Variants in ERMAP observed in about 807,000 individuals in gnomAD.
ERMAP encodes erythroid membrane-associated protein.
In ERMAP, 34 loss-of-function variants were observed where a neutral mutation model predicts 49.5. That is an observed-to-expected ratio of 0.69 (90% CI 0.52 to 0.91). The LOEUF is 0.91. Ranked by LOEUF, ERMAP falls within the 40% of genes least tolerant of loss-of-function variation. The probability of loss-of-function intolerance (pLI) is 0.00; values close to 1 mark genes in which losing one functional copy is unlikely to be tolerated. For synonymous variants in ERMAP, 214 were observed against 232.2 expected (o/e 0.92, Z 0.71); for missense variants, 541 against 582.6 (o/e 0.93, Z 0.74).
chr1:42,825,163 C>A (rs1471654686), intron 1 of ERMAP, among the ~76,000 whole-genome samples: 3 of 152,034 alleles, frequency 2.0e-5, no homozygotes, highest in Non-Finnish European at 4.4e-5. Context: ...GCAAGACAGG[C>A]GGGAAGCGTT....
intron 11 of ERMAP, 91 bp downstream of exon 11, chr1:42,840,387 G>GGAA: frequency 1.3e-6 from 2 of 1,506,574 alleles, no homozygotes; most frequent in Non-Finnish European, 1.8e-6. Flanking sequence ...CCTCTGGAAT[G>GGAA]CAGGTAATTT....
At chr1:42,823,502 A>G (rs1251937365) in intron 1 of ERMAP, among the ~76,000 whole-genome samples, 4 of 152,264 alleles carry the variant, frequency 2.6e-5, no homozygotes, top group Non-Finnish European at 4.4e-5. Context: ...CTCATTGACA[A>G]CAAACACTGT....
chr1:42,838,556 A>G (rs535083233), intron 7 of ERMAP, among the ~76,000 whole-genome samples: 3 of 152,340 alleles, frequency 2.0e-5, no homozygotes, highest in African/African-American at 7.2e-5. Flanking sequence ...CACCTTAGAT[A>G]CCATAAACGG....
intron 8 of ERMAP, 82 bp downstream of exon 8, chr1:42,839,003 T>A (rs1166925054): frequency 6.2e-7 from 1 of 1,610,870 alleles, no homozygotes; most frequent in Non-Finnish European, 8.5e-7. Context: ...TTTCACTTCC[T>A]GGGGCAGAAG....
At chr1:42,826,624 G>A (rs1038471044) in intron 2 of ERMAP, among the ~76,000 whole-genome samples, 9 of 152,100 alleles carry the variant, frequency 5.9e-5, no homozygotes, top group Admixed American at 4.6e-4. Flanking sequence ...TTGGGGGGCC[G>A]AGGAGGGCAG....
chr1:42,839,113 T>C, intron 8 of ERMAP, 192 bp downstream of exon 8: 1 of 770,496 alleles, frequency 1.3e-6, no homozygotes, highest in Non-Finnish European at 2.1e-6. Context: ...CCTGCACAAC[T>C]ATTATTTAGT....
rs1557617108 is a variant in ERMAP at position 42,844,582 on chromosome 1, T to C, written c.*1350T>C. On this transcript the variant is annotated 3_prime_UTR_variant, in exon 12 of 12. Coordinates refer to ENST00000372517, the MANE Select transcript of ERMAP (RefSeq NM_001017922.2). The surrounding 1 kb of genome is among the most constrained non-coding windows in gnomAD (Gnocchi z 4.0). ...CAAGATGGAGTCCCATGAGAGCTGA[T>C]GGTTTAGTTCCAGTCTGATGGCAGC... The C allele has an allele frequency of 6.5e-6, 1 of 153,254 alleles. No individual in the cohort carries two copies. The highest frequency in any genetic ancestry group is 6.5e-5 in the Admixed American group (1 of 15,302). The allele number at this position is 153,254 out of a possible 1,614,324, so 9.5% of individuals were successfully genotyped here. A position where few individuals can be genotyped will look rare whatever the true frequency, so the allele number is the denominator to read the frequency against.
chr1:42,825,880 A>G (rs1233865103), intron 2 of ERMAP, 142 bp downstream of exon 2: 21 of 1,019,534 alleles, frequency 2.1e-5, no homozygotes, highest in Middle Eastern at 5.5e-4. Flanking sequence ...AGCTATCACT[A>G]AAGAAACACA....
intron 2 of ERMAP, 104 bp downstream of exon 2, chr1:42,825,842 T>A: frequency 1.6e-6 from 2 of 1,214,852 alleles, no homozygotes; most frequent in Non-Finnish European, 2.1e-6. Flanking sequence ...CACAAGAACA[T>A]TTTCAAGGGT....
chr1:42,832,798 G>A (rs765559423), intron 4 of ERMAP, among the ~76,000 whole-genome samples: 15 of 152,258 alleles, frequency 9.9e-5, no homozygotes, highest in Non-Finnish European at 1.8e-4. Context: ...TAGGAGGAGC[G>A]TGGGGAGAGA....
At chr1:42,839,819 A>G in intron 8 of ERMAP, 1 of 599,552 alleles carries the variant, frequency 1.7e-6, no homozygotes, top group African/African-American at 1.9e-5. Context: ...GGTTTGGCTC[A>G]CATAGGAATT....
rs1234338746 is a variant in ERMAP, at chr1:42,819,181, G to C, written c.-122+1928G>C. Among the ~76,000 whole-genome samples, 1 of 140,678 alleles carries C rather than the reference G, an allele frequency of 7.1e-6. No homozygotes were observed. Among genetic ancestry groups the C allele is most frequent in the Non-Finnish European group, 1.6e-5 (1 of 62,428 alleles). 92.3% of individuals were successfully genotyped at this position (140,678 alleles called of 152,430 possible). ...GGATAAGTTAGGAGCGTGTGTGTGT[G>C]TGTGTGTGTGTGTGTGTGTGTGTGT... On this transcript the variant is annotated intron_variant, in intron 1 of 11. Transcript: ENST00000372517. The surrounding 1 kb of genome is among the most constrained non-coding windows in gnomAD (Gnocchi z 5.1).
Position 42,843,727 on chromosome 1 carries a change from C to G in ERMAP, c.*495C>G, listed in dbSNP as rs1335112330. 2.7e-5 allele frequency: 6 copies of G among 219,646 alleles called. No individual in the cohort carries two copies. The highest frequency in any genetic ancestry group is 3.0e-3 in the Middle Eastern group (2 of 664). 13.6% of individuals were successfully genotyped at this position (219,646 alleles called of 1,614,324 possible). On this transcript the variant is annotated 3_prime_UTR_variant, in exon 12 of 12. Coordinates refer to ENST00000372517, the MANE Select transcript of ERMAP (RefSeq NM_001017922.2). ...AAGCAAGCATGTTTTAGACCACTCA[C>G]TCTTTCCCTCTTTCTTCAGGAATGA...
intron 11 of ERMAP, 47 bp downstream of exon 11, chr1:42,840,343 C>T (rs1481778245): frequency 1.2e-6 from 2 of 1,611,768 alleles, no homozygotes; most frequent in East Asian, 2.2e-5. Flanking sequence ...GCACTTCCTC[C>T]TTATGGCTTT....
chr1:42,833,791 T>C (rs1051215113), intron 4 of ERMAP, among the ~76,000 whole-genome samples: 2 of 152,136 alleles, frequency 1.3e-5, no homozygotes, highest in Non-Finnish European at 2.9e-5. Flanking sequence ...TCCTGAGCTG[T>C]AGTGATACTC....
intron 4 of ERMAP, among the ~76,000 whole-genome samples, chr1:42,832,800 G>T (rs1654785827): frequency 6.6e-6 from 1 of 152,238 alleles, no homozygotes; most frequent in Non-Finnish European, 1.5e-5. Flanking sequence ...GGAGGAGCGT[G>T]GGGAGAGAGT....
At chr1:42,830,249 A>C (rs1654677145) in intron 2 of ERMAP, 195 bp from the exon 3 acceptor site, 1 of 590,134 alleles carries the variant, frequency 1.7e-6, no homozygotes, top group East Asian at 2.8e-5. Flanking sequence ...CCCATTTTGA[A>C]GATGAAGAAA....
At position 42,843,747 on chromosome 1, in the gene ERMAP, G is replaced by C. The variant is rs1458269847; in HGVS notation, c.*515G>C. On this transcript the variant is annotated 3_prime_UTR_variant, in exon 12 of 12. Coordinates refer to ENST00000372517, the MANE Select transcript of ERMAP (RefSeq NM_001017922.2). ...ACTCACTCTTTCCCTCTTTCTTCAG[G>C]AATGAATTGGGAAAGGCTGATGAGT... 4.1e-6 allele frequency: 1 copy of C among 246,706 alleles called. No homozygotes were observed. Among genetic ancestry groups the C allele is most frequent in the African/African-American group, 2.2e-5 (1 of 44,840 alleles). 15.3% of individuals were successfully genotyped at this position (246,706 alleles called of 1,614,324 possible).
At chr1:42,824,128 A>G (rs1179707468) in intron 1 of ERMAP, among the ~76,000 whole-genome samples, 1 of 152,066 alleles carries the variant, frequency 6.6e-6, no homozygotes, top group Non-Finnish European at 1.5e-5. Flanking sequence ...GCGGATCACA[A>G]GGTCAGGAGA....
Sources: allele counts gnomAD v4.1 joint callset (sites outside exome capture counted in the v4.1 genomes callset), GRCh38; gene constraint gnomAD v4.1.1; non-coding constraint Gnocchi (gnomAD v3.1); transcripts MANE v1.5; gene names NCBI Gene and HGNC (gene_info 2026-07-23, HGNC 2026-07-21).